Variants in THSD7A observed in about 807,000 individuals in gnomAD.
THSD7A encodes the protein thrombospondin type-1 domain-containing protein 7A.
A neutral mutation model predicts 231.3 loss-of-function variants in THSD7A; 96 were observed. The ratio of observed to expected loss-of-function variants is 0.41; its 90% CI spans 0.35 to 0.49. The LOEUF is 0.49. THSD7A is among the 20% of genes least tolerant of loss of function. The pLI is 0.05. For synonymous variants in THSD7A, 940 were observed against 743.3 expected (o/e 1.26, Z -4.30); for missense variants, 2,290 against 2,070.2 (o/e 1.11, Z -2.06).
chr7:11,675,642 C>T (rs115461857), intron 1 of THSD7A, among the ~76,000 whole-genome samples: 1,678 of 152,282 alleles, frequency 0.011, 21 homozygotes, highest in African/African-American at 0.038. Flanking sequence ...GTAAAAAAAG[C>T]AGCCAGGAAG....
At chr7:11,681,059 G>C (rs1018868571) in intron 1 of THSD7A, among the ~76,000 whole-genome samples, 2 of 152,058 alleles carry the variant, frequency 1.3e-5, no homozygotes, top group African/African-American at 4.8e-5. Context: ...CAGGGACATG[G>C]ATGAAGCTGG....
chr7:11,802,833 G>C (rs1430891826), intron 1 of THSD7A, among the ~76,000 whole-genome samples: 4 of 152,068 alleles, frequency 2.6e-5, no homozygotes, highest in African/African-American at 9.7e-5. Context: ...ACTAGTATCT[G>C]CATCCTAAAA....
intron 6 of THSD7A, among the ~76,000 whole-genome samples, chr7:11,525,304 C>T (rs901165645): frequency 6.6e-5 from 10 of 152,018 alleles, no homozygotes; most frequent in African/African-American, 2.4e-4. Context: ...TATAAATGAA[C>T]ATATTAAAAA....
intron 13 of THSD7A, among the ~76,000 whole-genome samples, chr7:11,438,052 T>A (rs1490617374): frequency 2.0e-5 from 3 of 151,918 alleles, no homozygotes; most frequent in African/African-American, 7.2e-5. Flanking sequence ...TTCCTACAAA[T>A]GTTAGTAGAA....
intron 23 of THSD7A, among the ~76,000 whole-genome samples, chr7:11,388,015 G>A (rs917923410): frequency 3.4e-4 from 52 of 152,208 alleles, no homozygotes; most frequent in African/African-American, 1.2e-3. Context: ...ATTGATGTAC[G>A]TATGTTGAAC....
chr7:11,554,305 G>C (rs887935035), intron 4 of THSD7A, among the ~76,000 whole-genome samples: 2 of 152,038 alleles, frequency 1.3e-5, no homozygotes, highest in South Asian at 2.1e-4. Flanking sequence ...ATACAGAGAA[G>C]TACCATGCTT....
intron 1 of THSD7A, among the ~76,000 whole-genome samples, chr7:11,768,332 G>A (rs10499402): frequency 0.14 from 21,861 of 152,114 alleles, 1,997 homozygotes; most frequent in Admixed American, 0.24. Context: ...TAAGTTCTCC[G>A]TGTTTCAAGA....
chr7:11,529,480 A>G (rs955904017), intron 6 of THSD7A, among the ~76,000 whole-genome samples: 2 of 152,064 alleles, frequency 1.3e-5, no homozygotes, highest in African/African-American at 4.8e-5. Context: ...AAACCCCACC[A>G]GGCAGGGACC....
chr7:11,593,347 CTGA>C lies in THSD7A; in HGVS notation c.1175_1177del (p.Ile392del). On this transcript the variant is annotated inframe_deletion, in exon 3 of 28. Coordinates refer to ENST00000423059, the MANE Select transcript of THSD7A (RefSeq NM_015204.3). The stretch of plus-strand genomic sequence containing the variant: ...CTTTTCACTGCCAATGGGAAACTGC[CTGA>C]TGGTTCGTGTCCTTACACGAGTGCC... 6.2e-7 allele frequency: 1 copy of C among 1,614,010 alleles called. No homozygotes were observed. The highest frequency in any genetic ancestry group is 8.5e-7 in the Non-Finnish European group (1 of 1,179,896).
At chr7:11,631,152 T>A (rs142534927) in intron 2 of THSD7A, among the ~76,000 whole-genome samples, 1 of 152,250 alleles carries the variant, frequency 6.6e-6, no homozygotes, top group Non-Finnish European at 1.5e-5. Flanking sequence ...AAGAAGAGCC[T>A]TGGATAAACC....
chr7:11,458,006 T>A (rs1423696581), intron 11 of THSD7A, among the ~76,000 whole-genome samples: 1 of 152,082 alleles, frequency 6.6e-6, no homozygotes, highest in Non-Finnish European at 1.5e-5. Context: ...GGTTTAAAGA[T>A]CTTCATTCTT....
intron 2 of THSD7A, among the ~76,000 whole-genome samples, chr7:11,611,609 T>C (rs889924028): frequency 1.3e-5 from 2 of 151,940 alleles, no homozygotes; most frequent in African/African-American, 4.8e-5. Flanking sequence ...AAAGCTACTA[T>C]GAATACTGTA....
At position 11,831,113 on chromosome 7, in the gene THSD7A, T is replaced by C. The variant is rs534642417; in HGVS notation, c.190+644A>G. Among the ~76,000 whole-genome samples the C allele has an allele frequency of 6.6e-6, 1 of 152,304 alleles. No homozygotes were observed. Among genetic ancestry groups the C allele is most frequent in the South Asian group, 2.1e-4 (1 of 4,826 alleles). On this transcript the variant is annotated intron_variant, in intron 1 of 27. Transcript: ENST00000423059. This position sits in a 1 kb window ranked among gnomAD's most constrained non-coding sequence, Gnocchi z 5.0. ...GTTAGTAGCTGCTTTTGTTGGGTGGTTGAAAAACAAAGCAAAACAATTCTC... is the reference window on the plus strand; with the variant it reads ...GTTAGTAGCTGCTTTTGTTGGGTGGCTGAAAAACAAAGCAAAACAATTCTC...
chr7:11,452,368 G>T (rs1254337712), intron 11 of THSD7A, among the ~76,000 whole-genome samples: 1 of 151,896 alleles, frequency 6.6e-6, no homozygotes, highest in African/African-American at 2.4e-5. Flanking sequence ...TAATGATCCT[G>T]GTCTTTCTCT....
At chr7:11,729,685 G>A (rs1429767605) in intron 1 of THSD7A, among the ~76,000 whole-genome samples, 2 of 151,616 alleles carry the variant, frequency 1.3e-5, no homozygotes, top group African/African-American at 2.4e-5. Context: ...AGATTGAACT[G>A]TTGCCTTTTA....
intron 1 of THSD7A, among the ~76,000 whole-genome samples, chr7:11,704,344 A>G (rs891354042): frequency 2.0e-5 from 3 of 151,106 alleles, no homozygotes; most frequent in African/African-American, 7.3e-5. Context: ...TTTGGTATAT[A>G]TACTGAAATA....
At chr7:11,504,707 T>C (rs936157518) in intron 6 of THSD7A, among the ~76,000 whole-genome samples, 10 of 152,290 alleles carry the variant, frequency 6.6e-5, no homozygotes, top group Admixed American at 1.3e-4. Flanking sequence ...TTTTTCATGA[T>C]TGTGATAATC....
chr7:11,612,128 G>T (rs914933025), intron 2 of THSD7A, among the ~76,000 whole-genome samples: 2 of 152,078 alleles, frequency 1.3e-5, no homozygotes, highest in Admixed American at 1.3e-4. Context: ...TCCCTCCAAA[G>T]GTTCTACTGA....
chr7:11,400,910 T>TG (rs2115355303), intron 23 of THSD7A, among the ~76,000 whole-genome samples: 1 of 152,308 alleles, frequency 6.6e-6, no homozygotes, highest in East Asian at 1.9e-4. Flanking sequence ...GCAATTCTTT[T>TG]GTTTTCGAGT....
Sources: allele counts gnomAD v4.1 joint callset (sites outside exome capture counted in the v4.1 genomes callset), GRCh38; gene constraint gnomAD v4.1.1; non-coding constraint Gnocchi (gnomAD v3.1); transcripts MANE v1.5; gene names NCBI Gene and HGNC (gene_info 2026-07-23, HGNC 2026-07-21).